TBC1D32: variants seen among roughly 807,000 people sequenced by gnomAD.
TBC1D32 encodes the protein TBC1 domain family member 32.
In TBC1D32, 151 loss-of-function variants were observed where a neutral mutation model predicts 170.3. The ratio of observed to expected loss-of-function variants is 0.89; its 90% CI spans 0.78 to 1.01. The LOEUF (loss-of-function observed/expected upper bound fraction) is 1.01, where lower values mean the gene tolerates loss of function less well. Among genes scored for constraint, TBC1D32 ranks in the 50% least tolerant of loss-of-function variants. TBC1D32 has a pLI of 0.00. For missense variants in TBC1D32, 1,464 were observed against 1,457.1 expected (o/e 1.00, Z -0.08); for synonymous variants, 498 against 488.0 (o/e 1.02, Z -0.27).
At chr6:121,147,632 C>T (rs1460760612) in intron 24 of TBC1D32, among the ~76,000 whole-genome samples, 2 of 151,858 alleles carry the variant, frequency 1.3e-5, no homozygotes, top group African/African-American at 2.4e-5. Context: ...TGCTCTGTCA[C>T]CCAGGCTGGA....
intron 15 of TBC1D32, among the ~76,000 whole-genome samples, chr6:121,269,330 G>C (rs970423364): frequency 1.3e-5 from 2 of 152,072 alleles, no homozygotes; most frequent in Non-Finnish European, 2.9e-5. Flanking sequence ...ATTGGATAAA[G>C]AGTCAAGACC....
intron 15 of TBC1D32, among the ~76,000 whole-genome samples, chr6:121,272,921 A>C (rs919362757): frequency 3.3e-5 from 5 of 152,222 alleles, no homozygotes; most frequent in African/African-American, 1.2e-4. Context: ...ATGGAATACT[A>C]CGCAGCCATA....
Position 121,119,678 on chromosome 6 carries a change from T to C in TBC1D32, c.2984-4437A>G, listed in dbSNP as rs559551157. On this transcript the variant is annotated intron_variant, in intron 26 of 31. Coordinates refer to ENST00000398212, the MANE Select transcript of TBC1D32 (RefSeq NM_152730.6). ...AAATGTCTGTTAAGATATGGAAAGA[T>C]ACCTATATGAATTTACAAACTGCAA... Among the ~76,000 whole-genome samples the C allele has an allele frequency of 3.3e-5, 5 of 152,278 alleles. No individual in the cohort carries two copies. The South Asian group carries it at 8.3e-4, about 25-fold the overall frequency.
chr6:121,192,070 A>ATATATAG (rs2128288024), intron 22 of TBC1D32, among the ~76,000 whole-genome samples: 1 of 134,336 alleles, frequency 7.4e-6, no homozygotes, highest in African/African-American at 3.0e-5. Context: ...TACCCTTTAT[A>ATATATAG]TATATATATA....
intron 9 of TBC1D32, 96 bp from the exon 10 acceptor site, chr6:121,299,601 C>A (rs1212125642): frequency 9.7e-6 from 12 of 1,235,890 alleles, no homozygotes; most frequent in Admixed American, 7.9e-5. Flanking sequence ...ATAAATCACA[C>A]AATAGCTTAG....
At chr6:121,170,992 C>G (rs1216946213) in intron 22 of TBC1D32, among the ~76,000 whole-genome samples, 6 of 151,856 alleles carry the variant, frequency 4.0e-5, no homozygotes, top group Admixed American at 1.3e-4. Flanking sequence ...GCTAAGAACA[C>G]CTAAGCCCAC....
intron 26 of TBC1D32, among the ~76,000 whole-genome samples, chr6:121,121,477 C>G (rs1443454453): frequency 6.6e-6 from 1 of 152,052 alleles, no homozygotes; most frequent in Middle Eastern, 3.2e-3. Flanking sequence ...TATATGCTAA[C>G]TCTACTTTCT....
chr6:121,285,877 G>A, intron 12 of TBC1D32, among the ~76,000 whole-genome samples: 1 of 152,180 alleles, frequency 6.6e-6, no homozygotes, highest in South Asian at 2.1e-4. Context: ...CAGGCAAACA[G>A]GGTCTGGAGT....
rs1411107386 is a variant in TBC1D32 at position 121,281,486 on chromosome 6, G to A, written c.1608+58C>T. 4.4e-6 allele frequency: 6 copies of A among 1,375,182 alleles called. No individual in the cohort carries two copies. In the African/African-American group the frequency reaches 8.9e-5, roughly 20 times the overall value. 85.2% of individuals were successfully genotyped at this position (1,375,182 alleles called of 1,614,324 possible). ...TCAAATTTAGAAATAAAGTCCCACT[G>A]AGTATCCACTAATACCCAGGTAAGA... On this transcript the variant is annotated intron_variant, in intron 14 of 31. Coordinates refer to ENST00000398212, the MANE Select transcript of TBC1D32 (RefSeq NM_152730.6).
intron 12 of TBC1D32, 98 bp downstream of exon 12, chr6:121,291,955 C>G: frequency 3.9e-6 from 5 of 1,268,186 alleles, no homozygotes; most frequent in Non-Finnish European, 5.2e-6. Context: ...TAGCTAAGTA[C>G]CGTAGAAAGG....
At chr6:121,318,079 C>T (rs975110975) in intron 2 of TBC1D32, among the ~76,000 whole-genome samples, 1 of 150,448 alleles carries the variant, frequency 6.6e-6, no homozygotes, top group Non-Finnish European at 1.5e-5. Context: ...CTTTCTCCAC[C>T]CCCCTATCCT....
chr6:121,242,884 A>G (rs1182216283), intron 17 of TBC1D32, among the ~76,000 whole-genome samples: 1 of 152,116 alleles, frequency 6.6e-6, no homozygotes, highest in Non-Finnish European at 1.5e-5. Context: ...GATAACTATA[A>G]GACTGGGAAT....
At chr6:121,282,255 C>T (rs1365357499) in intron 13 of TBC1D32, among the ~76,000 whole-genome samples, 1 of 151,508 alleles carries the variant, frequency 6.6e-6, no homozygotes, top group Admixed American at 6.6e-5. Context: ...ATAGTATATA[C>T]AGGAAAACAC....
chr6:121,249,815 T>A (rs1276633803), intron 17 of TBC1D32, among the ~76,000 whole-genome samples: 1 of 151,778 alleles, frequency 6.6e-6, no homozygotes, highest in African/African-American at 2.4e-5. Flanking sequence ...TACAAAACAC[T>A]GTTGAAAGAT....
At chr6:121,281,426 C>T in intron 14 of TBC1D32, 118 bp downstream of exon 14, 2 of 680,684 alleles carry the variant, frequency 2.9e-6, no homozygotes, top group Non-Finnish European at 2.4e-6. Context: ...ACACAAAATA[C>T]ATTCATATAT....
At chr6:121,211,994 A>AAC (rs66924686) in intron 21 of TBC1D32, among the ~76,000 whole-genome samples, 5,481 of 148,566 alleles carry the variant, frequency 0.037, 175 homozygotes, top group African/African-American at 0.086. Flanking sequence ...GAACAAACAC[A>AAC]ACACACACAC....
At chr6:121,215,922 C>T (rs1397668581) in intron 21 of TBC1D32, among the ~76,000 whole-genome samples, 2 of 152,172 alleles carry the variant, frequency 1.3e-5, no homozygotes, top group African/African-American at 4.8e-5. Flanking sequence ...ATTAGTTCAA[C>T]CATTGTGGAA....
intron 9 of TBC1D32, 112 bp downstream of exon 9, chr6:121,303,505 A>C (rs1806794989): frequency 1.1e-6 from 1 of 877,632 alleles, no homozygotes; most frequent in East Asian, 3.3e-5. Context: ...AAATGAGCTA[A>C]CACATGTAAA....
intron 24 of TBC1D32, among the ~76,000 whole-genome samples, chr6:121,151,051 G>C (rs1435983760): frequency 1.3e-5 from 2 of 152,002 alleles, no homozygotes; most frequent in Admixed American, 6.6e-5. Flanking sequence ...GCTAGCTTTT[G>C]AATCTGTTTG....
Sources: allele counts gnomAD v4.1 joint callset (sites outside exome capture counted in the v4.1 genomes callset), GRCh38; gene constraint gnomAD v4.1.1; transcripts MANE v1.5; gene names NCBI Gene and HGNC (gene_info 2026-07-23, HGNC 2026-07-21).